The following KCNK1 variants were observed in gnomAD, a reference collection of about 807,000 sequenced individuals.
The protein encoded by KCNK1 is potassium channel subfamily K member 1.
KCNK1 carries 10 observed loss-of-function variants against 22.2 expected under a neutral mutation model. That is an observed-to-expected ratio of 0.45 (90% CI 0.28 to 0.76). KCNK1 has a LOEUF of 0.76. KCNK1 is among the 30% of genes least tolerant of loss of function. The pLI, the probability that KCNK1 is intolerant of heterozygous loss-of-function variation, is 0.14. For synonymous variants in KCNK1, 200 were observed against 186.4 expected, an observed-to-expected ratio of 1.07 and a Z score of -0.60; for missense variants, 378 against 421.0, an observed-to-expected ratio of 0.90 and a Z score of 0.89.
At chr1:233,656,775 T>A (rs922050269) in intron 1 of KCNK1, among the ~76,000 whole-genome samples, 4 of 152,122 alleles carry the variant, frequency 2.6e-5, no homozygotes, top group African/African-American at 9.7e-5. Context: ...CATGCCACCA[T>A]GCCCAGCTAA....
chr1:233,631,065 ATG>A (rs758763821), intron 1 of KCNK1, among the ~76,000 whole-genome samples: 1 of 152,222 alleles, frequency 6.6e-6, no homozygotes, highest in Non-Finnish European at 1.5e-5. Context: ...TAGGTTGAAT[ATG>A]AGCCCTATAA....
intron 1 of KCNK1, among the ~76,000 whole-genome samples, chr1:233,619,158 C>T (rs1657534898): frequency 6.6e-6 from 1 of 152,076 alleles, no homozygotes; most frequent in Non-Finnish European, 1.5e-5. Flanking sequence ...GCTGGGACTA[C>T]AGGCGCACAC....
At chr1:233,640,474 CAGACTT>C (rs1319816255) in intron 1 of KCNK1, among the ~76,000 whole-genome samples, 1 of 152,192 alleles carries the variant, frequency 6.6e-6, no homozygotes, top group African/African-American at 2.4e-5. Flanking sequence ...AAAGATAAAA[CAGACTT>C]AGAAGTAATT....
chr1:233,621,211 T>G (rs1657581112), intron 1 of KCNK1, among the ~76,000 whole-genome samples: 2 of 152,174 alleles, frequency 1.3e-5, no homozygotes, highest in African/African-American at 4.8e-5. Context: ...GTGATTAAGA[T>G]AAAATGAGGC....
intron 2 of KCNK1, among the ~76,000 whole-genome samples, chr1:233,668,519 C>T (rs1249372873): frequency 6.6e-6 from 1 of 152,192 alleles, no homozygotes; most frequent in Non-Finnish European, 1.5e-5. Context: ...TGGTATTCAC[C>T]AGGTGGCAAA....
At chr1:233,625,846 G>A (rs1294383576) in intron 1 of KCNK1, among the ~76,000 whole-genome samples, 1 of 152,142 alleles carries the variant, frequency 6.6e-6, no homozygotes. Context: ...GGCACCTATT[G>A]GAGGTGCAGC....
intron 1 of KCNK1, among the ~76,000 whole-genome samples, chr1:233,656,490 A>C (rs1658296696): frequency 6.6e-6 from 1 of 152,168 alleles, no homozygotes; most frequent in Non-Finnish European, 1.5e-5. Context: ...TTTTTGGAGC[A>C]ATGTTCTTCA....
At chr1:233,638,147 C>A (rs1657935579) in intron 1 of KCNK1, among the ~76,000 whole-genome samples, 1 of 151,958 alleles carries the variant, frequency 6.6e-6, no homozygotes, top group Admixed American at 6.6e-5. Flanking sequence ...TTAAGTGGTA[C>A]AAACAAAGCC....
chr1:233,631,411 A>G (rs1459351641), intron 1 of KCNK1: 2 of 429,772 alleles, frequency 4.7e-6, no homozygotes, highest in African/African-American at 4.2e-5. Flanking sequence ...TAGGATTTTA[A>G]GCTCAACGGT....
intron 1 of KCNK1, among the ~76,000 whole-genome samples, chr1:233,635,241 G>A (rs1488414193): frequency 6.6e-6 from 1 of 152,140 alleles, no homozygotes; most frequent in African/African-American, 2.4e-5. Context: ...ATATCCCTGA[G>A]GGTATAGTCA....
At position 233,614,144 on chromosome 1, in the gene KCNK1, G is replaced by GTTGGCCTTGGCT. The variant is rs759103980; in HGVS notation, c.-17_-16insTTTGGCCTTGGC. ...GGCCGCGCTCCGGCCGGTCTGCGGC[G>GTTGGCCTTGGCT]TTGGCCTTGGCGGCGGCGGTGGAGA... On this transcript the variant is annotated 5_prime_UTR_variant, in exon 1 of 3. Coordinates refer to ENST00000366621, the MANE Select transcript of KCNK1 (RefSeq NM_002245.4). 15 of 1,253,608 alleles carry GTTGGCCTTGGCT rather than the reference G, an allele frequency of 1.2e-5. 1 individual carries two copies. Among genetic ancestry groups the GTTGGCCTTGGCT allele is most frequent in the Admixed American group, 8.5e-5 (3 of 35,452 alleles). The allele number at this position is 1,253,608 out of a possible 1,614,324, so 77.7% of individuals were successfully genotyped here. A position where few individuals can be genotyped will look rare whatever the true frequency, so the allele number is the denominator to read the frequency against.
chr1:233,664,026 T>C (rs1179357101), intron 1 of KCNK1, among the ~76,000 whole-genome samples: 1 of 152,084 alleles, frequency 6.6e-6, no homozygotes, highest in Non-Finnish European at 1.5e-5. Flanking sequence ...GAGATGGGGT[T>C]TCACCATGTT....
At chr1:233,621,260 C>T (rs1255331772) in intron 1 of KCNK1, among the ~76,000 whole-genome samples, 3 of 152,142 alleles carry the variant, frequency 2.0e-5, no homozygotes, top group Admixed American at 6.5e-5. Context: ...CAAGAGAGGC[C>T]TCAGAAGAAA....
intron 1 of KCNK1, among the ~76,000 whole-genome samples, chr1:233,620,145 A>G (rs1431088642): frequency 1.3e-5 from 2 of 152,228 alleles, no homozygotes; most frequent in Non-Finnish European, 1.5e-5. Flanking sequence ...ACACAGTTTT[A>G]TTGGTGTGCA....
chr1:233,640,239 G>A (rs964980807), intron 1 of KCNK1, among the ~76,000 whole-genome samples: 6 of 152,096 alleles, frequency 3.9e-5, no homozygotes, highest in African/African-American at 1.4e-4. Flanking sequence ...TTTCTAAAAG[G>A]CGTGGAAACA....
chr1:233,643,209 A>G (rs2102896493), intron 1 of KCNK1, among the ~76,000 whole-genome samples: 1 of 152,218 alleles, frequency 6.6e-6, no homozygotes, highest in South Asian at 2.1e-4. Flanking sequence ...ATAGGTGGCT[A>G]TGGCACATCC....
chr1:233,626,115 G>T lies in KCNK1; in HGVS notation c.355+11589G>T, dbSNP rs936177059. 5.3e-5 allele frequency among the ~76,000 whole-genome samples: 8 copies of T among 150,956 alleles called. No individual in the cohort carries two copies. The South Asian group carries it at 1.5e-3, about 28-fold the overall frequency. ...GGAGGCTCTTCTGATGACCCAGGGG[G>T]TCATCGGACCACCGATGCCTCTCGG... On this transcript the variant is annotated intron_variant, in intron 1 of 2. Transcript: ENST00000366621.
At chr1:233,648,847 G>A (rs945517812) in intron 1 of KCNK1, among the ~76,000 whole-genome samples, 8 of 152,140 alleles carry the variant, frequency 5.3e-5, no homozygotes, top group Non-Finnish European at 7.4e-5. Context: ...GATTATAGGC[G>A]TGAACCACCA....
intron 1 of KCNK1, among the ~76,000 whole-genome samples, chr1:233,652,102 A>T (rs1402908976): frequency 6.6e-6 from 1 of 152,172 alleles, no homozygotes; most frequent in Non-Finnish European, 1.5e-5. Context: ...TCAGGCTCAG[A>T]TCCAGGAAGG....
Sources: gnomAD v4.1 joint callset for allele counts (sites outside exome capture counted in the v4.1 genomes callset) on GRCh38, gnomAD v4.1.1 for gene constraint, MANE v1.5 for transcripts, NCBI Gene and HGNC (gene_info 2026-07-23, HGNC 2026-07-21) for gene names.